The following TRMT13 variants were observed in gnomAD, a reference collection of about 807,000 sequenced individuals.
The protein encoded by TRMT13 is tRNA:m(4)X modification enzyme TRM13 homolog.
A neutral mutation model predicts 55.9 loss-of-function variants in TRMT13; 45 were observed. That is an observed-to-expected ratio of 0.80 (90% CI 0.63 to 1.03). The LOEUF (loss-of-function observed/expected upper bound fraction) is 1.03. Ranked by LOEUF, TRMT13 falls within the 50% of genes least tolerant of loss-of-function variation. The pLI is 0.00. For missense variants in TRMT13, 513 were observed against 563.9 expected (o/e 0.91, Z 0.91); for synonymous variants, 183 against 196.3 (o/e 0.93, Z 0.57).
At position 100,144,153 on chromosome 1, in the gene TRMT13, C is replaced by T. The variant is rs1197465127; in HGVS notation, c.817+10C>T. On this transcript the variant is annotated intron_variant, in intron 9 of 10. Transcript: ENST00000370141. Reference sequence around the variant, plus strand: ...TGTGGTATGGCAACAGGTACGTAAACATACTGATAATGTTTACATTAATGC... The same window carrying T: ...TGTGGTATGGCAACAGGTACGTAAATATACTGATAATGTTTACATTAATGC... 6.2e-7 allele frequency: 1 copy of T among 1,610,074 alleles called. No homozygotes were observed. Among genetic ancestry groups the T allele is most frequent in the East Asian group, 2.2e-5 (1 of 44,792 alleles).
Position 100,133,219 on chromosome 1 carries a change from T to C in TRMT13, c.51T>C (p.Gly17=). The change falls in exon 1 of 11, where the codon GGT becomes GGC. Residue 17 remains glycine, a synonymous_variant. Coordinates refer to ENST00000370141, the MANE Select transcript of TRMT13 (RefSeq NM_019083.3). ...ACGCGCCTGGTTTTCCAGCTGAGGGTAGATGCGGTTACTATGTGGAAAAGA... is the reference window on the plus strand; with the variant it reads ...ACGCGCCTGGTTTTCCAGCTGAGGGCAGATGCGGTTACTATGTGGAAAAGA... ...SPHAPGFPAE[G]RCGYYVEKKK... is the part of the protein sequence containing the mutation. The C allele has an allele frequency of 1.2e-6, 2 of 1,613,742 alleles. No individual in the cohort carries two copies. Among genetic ancestry groups the C allele is most frequent in the Non-Finnish European group, 1.7e-6 (2 of 1,179,936 alleles).
rs770256568 is a variant in TRMT13, at chr1:100,148,633, G to A, written c.1259G>A (p.Ser420Asn). The change falls in exon 11 of 11, where the codon AGT becomes AAT. Residue 420 changes from serine to asparagine, a missense_variant. Ser to Asn is a conservative substitution (Grantham distance 46, BLOSUM62 1). Transcript: ENST00000370141. ...GTGTTTATTCAATTTAGGCTTCTTA[G>A]TGTTGAAGAAAAGAAGAAAATAGGG... ...DGADCLPGLL[S>N]VEEKKKIGHL... 43 of 1,606,574 alleles carry A rather than the reference G, an allele frequency of 2.7e-5. No homozygotes were observed. The highest frequency in any genetic ancestry group is 1.1e-4 in the South Asian group (10 of 88,636).
At chr1:100,148,582 T>C (rs778998655) in intron 10 of TRMT13, 43 bp from the exon 11 acceptor site, 3 of 1,553,362 alleles carry the variant, frequency 1.9e-6, no homozygotes, top group African/African-American at 2.8e-5. Context: ...TATAAACTTT[T>C]GCAAAATTTT....
chr1:100,140,005 C>T (rs541384036), intron 4 of TRMT13, among the ~76,000 whole-genome samples, 177 bp from the exon 5 acceptor site: 92 of 152,228 alleles, frequency 6.0e-4, no homozygotes, highest in Non-Finnish European at 9.0e-4. Flanking sequence ...ACAGCAAAGA[C>T]GGAGTAGAAA....
chr1:100,141,920 G>A lies in TRMT13; in HGVS notation c.669+901G>A, dbSNP rs181722011. Among the ~76,000 whole-genome samples the A allele has an allele frequency of 4.6e-5, 7 of 152,336 alleles. No individual in the cohort carries two copies. In the East Asian group the frequency reaches 1.4e-3, roughly 29 times the overall value. ...AACAGGAAAATATGGAAACATTCCT[G>A]TATAATGGGAGTACATGGTGCAAAG... On this transcript the variant is annotated intron_variant, in intron 7 of 10. Transcript: ENST00000370141.
At chr1:100,144,747 C>G (rs910435077) in intron 9 of TRMT13, among the ~76,000 whole-genome samples, 1 of 152,074 alleles carries the variant, frequency 6.6e-6, no homozygotes, top group Non-Finnish European at 1.5e-5. Context: ...AACAGAGATA[C>G]TAATATATTA....
At chr1:100,143,316 T>A (rs1656844276) in intron 8 of TRMT13, 107 bp downstream of exon 8, 1 of 587,240 alleles carries the variant, frequency 1.7e-6, no homozygotes, top group Non-Finnish European at 3.0e-6. Context: ...GGGAAAACAG[T>A]CAAATCAATT....
At chr1:100,134,872 C>G (rs1229592931) in intron 1 of TRMT13, among the ~76,000 whole-genome samples, 1 of 152,166 alleles carries the variant, frequency 6.6e-6, no homozygotes, top group Non-Finnish European at 1.5e-5. Flanking sequence ...CTTTTATTGA[C>G]TACTATCTCG....
intron 7 of TRMT13, among the ~76,000 whole-genome samples, chr1:100,141,913 C>T (rs1433958554): frequency 6.6e-6 from 1 of 152,166 alleles, no homozygotes; most frequent in Non-Finnish European, 1.5e-5. Flanking sequence ...AATATGGAAA[C>T]ATTCCTGTAT....
At chr1:100,138,020 A>G (rs1656107576) in intron 3 of TRMT13, among the ~76,000 whole-genome samples, 1 of 152,182 alleles carries the variant, frequency 6.6e-6, no homozygotes, top group Admixed American at 6.5e-5. Context: ...TTCAGAGAAA[A>G]GTTTGAGAGG....
Position 100,148,606 on chromosome 1 carries a change from G to A in TRMT13, c.1251-19G>A, listed in dbSNP as rs377350794. 3.2e-6 allele frequency: 5 copies of A among 1,585,622 alleles called. No homozygotes were observed. The highest frequency in any genetic ancestry group is 2.7e-5 in the African/African-American group (2 of 73,094). On this transcript the variant is annotated intron_variant, in intron 10 of 10. Coordinates refer to ENST00000370141, the MANE Select transcript of TRMT13 (RefSeq NM_019083.3). Reference sequence around the variant, plus strand: ...TTGCAAAATTTTAACAATGTTTTGTGTGTGTTTATTCAATTTAGGCTTCTT... The same window carrying A: ...TTGCAAAATTTTAACAATGTTTTGTATGTGTTTATTCAATTTAGGCTTCTT...
rs904377465 is a variant in TRMT13, at chr1:100,140,513, A to T, written c.500A>T (p.Gln167Leu). Residue 167 changes from glutamine (Q) to leucine (L), a missense_variant and splice_region_variant, in exon 6 of 11, where the codon CAG becomes CTG. Coordinates refer to ENST00000370141, the MANE Select transcript of TRMT13 (RefSeq NM_019083.3). ...TCTGCAACCAAGCACCTGAAACAGC[A>T]GGTATGTTTAGGCTATAGTAACTAC... ...GDSATKHLKQ[Q>L]ASILGNIENL... The T allele has an allele frequency of 6.2e-7, 1 of 1,605,770 alleles. No homozygotes were observed. Among genetic ancestry groups the T allele is most frequent in the Non-Finnish European group, 8.5e-7 (1 of 1,172,380 alleles).
At position 100,133,266 on chromosome 1, in the gene TRMT13, T is replaced by C; in HGVS notation, c.98T>C (p.Val33Ala). ...AAGAAGAAACGGTTCTGCAGGATGGTGGTGGCCGCAGGGAAAAGATTTTGT... is the reference window on the plus strand; with the variant it reads ...AAGAAGAAACGGTTCTGCAGGATGGCGGTGGCCGCAGGGAAAAGATTTTGT... ...VEKKKRFCRM[V>A]VAAGKRFCGE... The change falls in exon 1 of 11, where the codon GTG (valine) becomes GCG (alanine). Residue 33 changes from valine to alanine, a missense_variant. By Grantham distance (64) the Val-to-Ala change is moderately conservative (BLOSUM62 0). Around this residue, in one of 3 missense-constraint regions of TRMT13, gnomAD observed 298 missense variants for 290.3 expected, o/e 1.03. Transcript: ENST00000370141. 1 of 1,613,934 alleles carries C rather than the reference T, an allele frequency of 6.2e-7. No individual in the cohort carries two copies. Among genetic ancestry groups the C allele is most frequent in the Non-Finnish European group, 8.5e-7 (1 of 1,179,930 alleles).
rs1656396932 is a variant in TRMT13 at position 100,140,049 on chromosome 1, G to C, written c.325-133G>C. On this transcript the variant is annotated intron_variant, in intron 4 of 10. Coordinates refer to ENST00000370141, the MANE Select transcript of TRMT13 (RefSeq NM_019083.3). The stretch of plus-strand genomic sequence containing the variant: ...TTGGACAATTCTGATGGCAGCTTAG[G>C]GAAAAGGCTTGATAGAGAGAAGAGC... 1.1e-5 allele frequency: 7 copies of C among 633,486 alleles called. No individual in the cohort carries two copies. In the South Asian group the frequency reaches 1.5e-4, roughly 13 times the overall value. The allele number at this position is 633,486 out of a possible 1,614,324, so 39.2% of individuals were successfully genotyped here.
At chr1:100,143,774 A>G (rs1656905892) in intron 8 of TRMT13, among the ~76,000 whole-genome samples, 1 of 152,184 alleles carries the variant, frequency 6.6e-6, no homozygotes, top group African/African-American at 2.4e-5. Context: ...AAAATAATGC[A>G]AACATATCTT....
intron 9 of TRMT13, among the ~76,000 whole-genome samples, chr1:100,146,396 CTG>C (rs1180131999): frequency 6.6e-6 from 1 of 152,178 alleles, no homozygotes; most frequent in African/African-American, 2.4e-5. Flanking sequence ...TACCAATTTG[CTG>C]TGTTTCCTTG....
At chr1:100,148,566 AT>A (rs1657592868) in intron 10 of TRMT13, 58 bp from the exon 11 acceptor site, 3 of 1,469,132 alleles carry the variant, frequency 2.0e-6, no homozygotes, top group Non-Finnish European at 2.8e-6. Flanking sequence ...GACAAAAATA[AT>A]TTTTTATAAA....
intron 2 of TRMT13, 21 bp downstream of exon 2, chr1:100,136,949 G>T (rs1191476693): frequency 6.2e-7 from 1 of 1,600,076 alleles, no homozygotes; most frequent in Non-Finnish European, 8.5e-7. Context: ...ATCAGATACG[G>T]GTTTTTTTTT....
At position 100,148,272 on chromosome 1, in the gene TRMT13, A is replaced by G. The variant is rs748331773; in HGVS notation, c.1196A>G (p.Glu399Gly). ...RQDNQNDDSE[E>G]HDDGGYRITD... ...GATAATCAGAATGATGATAGTGAAG[A>G]GCATGATGATGGAGGATACAGAATC... Residue 399 changes from glutamate (E) to glycine (G), a missense_variant, in exon 10 of 11, where the codon GAG becomes GGG. Glu to Gly is a moderately conservative substitution (Grantham distance 98). Around this residue, in one of 3 missense-constraint regions of TRMT13, gnomAD observed 209 missense variants for 255.8 expected, o/e 0.82. Coordinates refer to ENST00000370141, the MANE Select transcript of TRMT13 (RefSeq NM_019083.3). 1.4e-5 allele frequency: 23 copies of G among 1,614,180 alleles called. No homozygotes were observed. Among genetic ancestry groups the G allele is most frequent in the Non-Finnish European group, 1.9e-5 (23 of 1,180,028 alleles).
Sources: gnomAD v4.1 joint callset for allele counts (sites outside exome capture counted in the v4.1 genomes callset) on GRCh38, gnomAD v4.1.1 for gene constraint, gnomAD v4.1.1 regional missense constraint, MANE v1.5 for transcripts, NCBI Gene and HGNC (gene_info 2026-07-23, HGNC 2026-07-21) for gene names.